Variants in CSMD1 observed in about 807,000 individuals in gnomAD.
CSMD1 encodes CUB and sushi domain-containing protein 1.
CSMD1 carries 213 observed loss-of-function variants against 417.5 expected under a neutral mutation model. That is an observed-to-expected ratio of 0.51 (90% CI 0.46 to 0.57). The LOEUF (loss-of-function observed/expected upper bound fraction) is 0.57. CSMD1 is among the 20% of genes least tolerant of loss of function. The pLI is 0.00. For synonymous variants in CSMD1, 2,862 were observed against 1,736.8 expected, an observed-to-expected ratio of 1.65 and a Z score of -16.11; for missense variants, 6,923 against 4,529.7, an observed-to-expected ratio of 1.53 and a Z score of -15.17.
At chr8:3,329,926 T>C (rs1806784614) in intron 23 of CSMD1, among the ~76,000 whole-genome samples, 1 of 152,166 alleles carries the variant, frequency 6.6e-6, no homozygotes, top group Non-Finnish European at 1.5e-5. Flanking sequence ...AAAAAGTAAA[T>C]TTCTGGGTTA....
chr8:4,331,265 C>G (rs1468757640), intron 3 of CSMD1, among the ~76,000 whole-genome samples: 1 of 152,098 alleles, frequency 6.6e-6, no homozygotes, highest in Non-Finnish European at 1.5e-5. Flanking sequence ...AGCCAGGGAA[C>G]TCGGTGACAC....
intron 1 of CSMD1, among the ~76,000 whole-genome samples, chr8:4,852,041 A>G (rs1585212260): frequency 6.6e-6 from 1 of 152,302 alleles, no homozygotes; most frequent in East Asian, 1.9e-4. Context: ...ATACCTCCTC[A>G]GCAGGGCTTA....
chr8:4,033,862 A>T (rs534588069), intron 3 of CSMD1, among the ~76,000 whole-genome samples: 1 of 152,226 alleles, frequency 6.6e-6, no homozygotes, highest in East Asian at 1.9e-4. Context: ...CTGAAACGGT[A>T]CATCATTCAG....
rs567962220 is a variant in CSMD1, at chr8:3,710,770, C to T, written c.932-2279G>A. 2.2e-4 allele frequency among the ~76,000 whole-genome samples: 33 copies of T among 152,270 alleles called. No homozygotes were observed. In the East Asian group the frequency reaches 6.4e-3, roughly 30 times the overall value. Reference sequence around the variant, plus strand: ...AAGCCATCTGAGATAGGAATTATGACACCGCCAGCTCATATCAGGAAGCAA... The same window carrying T: ...AAGCCATCTGAGATAGGAATTATGATACCGCCAGCTCATATCAGGAAGCAA... On this transcript the variant is annotated intron_variant, in intron 6 of 69. Transcript: ENST00000635120.
chr8:4,753,291 G>A (rs13277205), intron 1 of CSMD1, among the ~76,000 whole-genome samples: 2,149 of 151,560 alleles, frequency 0.014, 27 homozygotes, highest in Non-Finnish European at 0.022. Context: ...GGATGATGAG[G>A]AATTTTGGAA....
At chr8:3,295,368 C>T (rs1803889267) in intron 25 of CSMD1, among the ~76,000 whole-genome samples, 1 of 152,020 alleles carries the variant, frequency 6.6e-6, no homozygotes, top group Non-Finnish European at 1.5e-5. Flanking sequence ...CCTTGTGATC[C>T]ACCCGCCTCG....
At chr8:3,292,975 T>G (rs1053779301) in intron 25 of CSMD1, among the ~76,000 whole-genome samples, 1 of 152,184 alleles carries the variant, frequency 6.6e-6, no homozygotes, top group African/African-American at 2.4e-5. Context: ...CGGTTGTTCC[T>G]TTCCATGTTT....
At position 3,087,161 on chromosome 8, in the gene CSMD1, A is replaced by G. The variant is rs768762169; in HGVS notation, c.7410T>C (p.Asn2470=). The change falls in exon 49 of 70, where the codon AAT becomes AAC. Residue 2470 remains asparagine (N), a synonymous_variant. Coordinates refer to ENST00000635120, the MANE Select transcript of CSMD1 (RefSeq NM_033225.6). Reference sequence around the variant, plus strand: ...CAAGTGGGTTTCGTCTACAGGTTGCATTGCTGTGGCCGACCATTCGGTATC... The same window carrying G: ...CAAGTGGGTTTCGTCTACAGGTTGCGTTGCTGTGGCCGACCATTCGGTATC... The part of the protein sequence containing the change: ...KPGYRMVGHS[N]ATCRRNPLGM... 1.9e-6 allele frequency: 3 copies of G among 1,613,932 alleles called. No individual in the cohort carries two copies. Among genetic ancestry groups the G allele is most frequent in the East Asian group, 2.2e-5 (1 of 44,874 alleles).
chr8:4,984,254 T>C (rs963704178), intron 1 of CSMD1, among the ~76,000 whole-genome samples: 6 of 152,196 alleles, frequency 3.9e-5, no homozygotes, highest in African/African-American at 1.4e-4. Context: ...TCTAATGTTC[T>C]AGCTTCCAAT....
chr8:3,847,842 G>A (rs1803613758), intron 5 of CSMD1, among the ~76,000 whole-genome samples: 1 of 152,162 alleles, frequency 6.6e-6, no homozygotes, highest in Non-Finnish European at 1.5e-5. Flanking sequence ...TGATTTAGAT[G>A]TATTTGCTCC....
At position 4,828,539 on chromosome 8, in the gene CSMD1, C is replaced by G. The variant is rs539777547; in HGVS notation, c.85+165793G>C. 2.6e-5 allele frequency among the ~76,000 whole-genome samples: 4 copies of G among 152,268 alleles called. No individual in the cohort carries two copies. The South Asian group carries it at 8.3e-4, about 32-fold the overall frequency. ...TTGGTCCTTTATTGCCTGAGCCATC[C>G]TGTGCCTTCCTGTGCTCTTTCACAA... On this transcript the variant is annotated intron_variant, in intron 1 of 69. Coordinates refer to ENST00000635120, the MANE Select transcript of CSMD1 (RefSeq NM_033225.6).
chr8:3,095,367 T>C (rs867554453), intron 47 of CSMD1, among the ~76,000 whole-genome samples: 1 of 152,160 alleles, frequency 6.6e-6, no homozygotes. Context: ...CCCATTTTTA[T>C]ACTTGCGTAA....
intron 69 of CSMD1, among the ~76,000 whole-genome samples, chr8:2,939,274 C>G (rs1467234929): frequency 6.6e-6 from 1 of 152,208 alleles, no homozygotes; most frequent in Non-Finnish European, 1.5e-5. Context: ...GGGCATATGC[C>G]TAGCCTTTAG....
At chr8:3,026,370 C>T (rs1351015070) in intron 51 of CSMD1, among the ~76,000 whole-genome samples, 1 of 152,092 alleles carries the variant, frequency 6.6e-6, no homozygotes, top group Non-Finnish European at 1.5e-5. Context: ...CTGGGCCTCA[C>T]TGGACCTCAC....
chr8:3,786,184 A>G (rs1194275125), intron 5 of CSMD1, among the ~76,000 whole-genome samples: 5 of 152,172 alleles, frequency 3.3e-5, no homozygotes, highest in African/African-American at 1.2e-4. Flanking sequence ...AGATTGGGAC[A>G]TGAGATCTCC....
intron 1 of CSMD1, among the ~76,000 whole-genome samples, chr8:4,782,419 G>T (rs774537519): frequency 2.4e-4 from 36 of 151,996 alleles, no homozygotes; most frequent in Non-Finnish European, 2.9e-4. Flanking sequence ...CTTTATAAAA[G>T]ACACCACAGT....
At chr8:3,358,486 G>A (rs117426712) in intron 21 of CSMD1, among the ~76,000 whole-genome samples, 3,020 of 152,288 alleles carry the variant, frequency 0.02, 60 homozygotes, top group East Asian at 0.08. Flanking sequence ...ACTTCTTAGA[G>A]TGGCACAGTT....
At chr8:3,223,278 C>G (rs60039571) in intron 28 of CSMD1, among the ~76,000 whole-genome samples, 12,045 of 152,094 alleles carry the variant, frequency 0.079, 536 homozygotes, top group African/African-American at 0.11. Flanking sequence ...TTTGGGGAAA[C>G]TTTCATTTTC....
intron 1 of CSMD1, among the ~76,000 whole-genome samples, chr8:4,699,786 G>C (rs532572496): frequency 6.6e-6 from 1 of 152,190 alleles, no homozygotes; most frequent in Non-Finnish European, 1.5e-5. Context: ...AAAGGATATG[G>C]TGCTTGAACT....
Sources: allele counts gnomAD v4.1 joint callset (sites outside exome capture counted in the v4.1 genomes callset), GRCh38; gene constraint gnomAD v4.1.1; transcripts MANE v1.5; gene names NCBI Gene and HGNC (gene_info 2026-07-23, HGNC 2026-07-21).